Variants in MRPS31 observed in about 807,000 individuals in gnomAD.
The protein encoded by MRPS31 is small ribosomal subunit protein mS31.
MRPS31 carries 32 observed loss-of-function variants against 43.1 expected under a neutral mutation model. That is an observed-to-expected ratio of 0.74 (90% CI 0.56 to 1.00). The LOEUF is 1.00. Among genes scored for constraint, MRPS31 ranks in the 50% least tolerant of loss-of-function variants. The pLI, the probability that MRPS31 is intolerant of heterozygous loss-of-function variation, is 0.00. For synonymous variants in MRPS31, 165 were observed against 161.6 expected (o/e 1.02, Z -0.16); for missense variants, 437 against 466.7 (o/e 0.94, Z 0.59).
chr13:40,734,342 A>T (rs753460065), intron 6 of MRPS31, among the ~76,000 whole-genome samples: 1 of 152,180 alleles, frequency 6.6e-6, no homozygotes, highest in African/African-American at 2.4e-5. Flanking sequence ...GAGGAGGGCA[A>T]AATGATAGGA....
At chr13:40,767,979 T>C (rs569727888) in intron 1 of MRPS31, among the ~76,000 whole-genome samples, 1 of 152,310 alleles carries the variant, frequency 6.6e-6, no homozygotes, top group South Asian at 2.1e-4. Flanking sequence ...GAAAAGAGAA[T>C]AATCAATGGC....
At chr13:40,733,697 G>C (rs955827612) in intron 6 of MRPS31, among the ~76,000 whole-genome samples, 1 of 152,188 alleles carries the variant, frequency 6.6e-6, no homozygotes, top group Non-Finnish European at 1.5e-5. Flanking sequence ...GGCTGGGCAC[G>C]TGGATCATGG....
At chr13:40,743,361 G>A (rs1389370826) in intron 6 of MRPS31, among the ~76,000 whole-genome samples, 1 of 149,578 alleles carries the variant, frequency 6.7e-6, no homozygotes, top group African/African-American at 2.4e-5. Context: ...ATTGAGAAGT[G>A]GGACCTCATT....
chr13:40,748,905 G>A (rs1880312132), intron 6 of MRPS31, among the ~76,000 whole-genome samples: 1 of 152,168 alleles, frequency 6.6e-6, no homozygotes, highest in South Asian at 2.1e-4. Context: ...AGAAATTCAT[G>A]ATGGATTTTT....
chr13:40,741,278 T>TATTGGCATTGAATCTGTAAAAAAA (rs1880081915), intron 6 of MRPS31, among the ~76,000 whole-genome samples: 3 of 152,174 alleles, frequency 2.0e-5, no homozygotes, highest in African/African-American at 7.2e-5. Context: ...ACTAAATGTT[T>TATTGGCATTGAATCTGTAAAAAAA]ACTATGATTT....
intron 2 of MRPS31, among the ~76,000 whole-genome samples, chr13:40,765,321 C>T (rs1880814284): frequency 6.6e-6 from 1 of 152,168 alleles, no homozygotes; most frequent in Non-Finnish European, 1.5e-5. Flanking sequence ...TCTTCCCACA[C>T]ATGTATGTTT....
chr13:40,743,490 C>CA (rs1880159395), intron 6 of MRPS31, among the ~76,000 whole-genome samples: 1 of 152,066 alleles, frequency 6.6e-6, no homozygotes, highest in Non-Finnish European at 1.5e-5. Context: ...ATAAGGAACT[C>CA]AAACAATTGA....
intron 6 of MRPS31, among the ~76,000 whole-genome samples, chr13:40,747,534 C>T (rs2138003894): frequency 6.6e-6 from 1 of 152,260 alleles, no homozygotes; most frequent in East Asian, 1.9e-4. Context: ...AAGCAATATA[C>T]AGTTTATGTA....
intron 3 of MRPS31, among the ~76,000 whole-genome samples, chr13:40,757,939 C>A (rs2138012054): frequency 6.7e-6 from 1 of 150,338 alleles, no homozygotes; most frequent in South Asian, 2.1e-4. Flanking sequence ...TCAGGAGATC[C>A]AGACCATCCT....
At chr13:40,767,741 AC>A (rs1880891898) in intron 1 of MRPS31, among the ~76,000 whole-genome samples, 1 of 152,260 alleles carries the variant, frequency 6.6e-6, no homozygotes, top group South Asian at 2.1e-4. Context: ...TTAATAAATG[AC>A]AATTTATTAT....
rs1488010093 is a variant in MRPS31 at position 40,729,568 on chromosome 13, T to C, written c.992A>G (p.His331Arg). ...CTCCAGGTGTTTCTCCAGAAATATA[T>C]GTTCATGAAATTCTGAACCATCATC... ...FDDDGSEFHE[H>R]IFLEKHLESF... The change falls in exon 7 of 7, where the codon CAT (histidine) becomes CGT (arginine). Residue 331 changes from histidine to arginine, a missense_variant. His to Arg is a conservative substitution (Grantham distance 29). Transcript: ENST00000323563. 18 of 1,613,790 alleles carry C rather than the reference T, an allele frequency of 1.1e-5. 1 individual carries two copies. Among genetic ancestry groups the C allele is most frequent in the Non-Finnish European group, 1.5e-5 (18 of 1,179,874 alleles).
intron 5 of MRPS31, among the ~76,000 whole-genome samples, chr13:40,753,248 C>T (rs759283329): frequency 1.6e-4 from 25 of 152,240 alleles, no homozygotes; most frequent in Non-Finnish European, 3.2e-4. Flanking sequence ...ATCTCCTAAA[C>T]AATCACTAAG....
intron 2 of MRPS31, among the ~76,000 whole-genome samples, chr13:40,762,455 CTT>C (rs113395622): frequency 4.6e-4 from 67 of 145,376 alleles, no homozygotes; most frequent in East Asian, 9.9e-4. Flanking sequence ...CCCCCTCATT[CTT>C]TTTTTTTTTT....
At chr13:40,762,012 T>G (rs1388176976) in intron 2 of MRPS31, among the ~76,000 whole-genome samples, 1 of 149,912 alleles carries the variant, frequency 6.7e-6, no homozygotes, top group Non-Finnish European at 1.5e-5. Context: ...GAGGCCAAGG[T>G]GGGCAGATTA....
At chr13:40,768,314 G>T (rs1880906304) in intron 1 of MRPS31, among the ~76,000 whole-genome samples, 1 of 152,156 alleles carries the variant, frequency 6.6e-6, no homozygotes. Flanking sequence ...CCTTTATGAA[G>T]CTGACGTGCT....
chr13:40,747,304 C>T (rs1880266434), intron 6 of MRPS31, among the ~76,000 whole-genome samples: 1 of 152,070 alleles, frequency 6.6e-6, no homozygotes, highest in South Asian at 2.1e-4. Context: ...CAAGTTTCTT[C>T]AAATAATGAA....
intron 5 of MRPS31, among the ~76,000 whole-genome samples, chr13:40,750,774 T>TATATATATATATATATA (rs1880368803): frequency 7.8e-6 from 1 of 127,976 alleles, no homozygotes; most frequent in African/African-American, 3.1e-5. Flanking sequence ...ATATATATAT[T>TATATATATATATATATA]ACATATATAT....
In MRPS31 at chr13:40,771,038, T is replaced by C. The variant is rs761729910; in HGVS notation, c.99A>G (p.Leu33=). 3.1e-6 allele frequency: 5 copies of C among 1,613,748 alleles called. No individual in the cohort carries two copies. The highest frequency in any genetic ancestry group is 1.1e-5 in the South Asian group (1 of 91,068). ...TGACTGTTCCGTGCCGAACAGTGAG[T>C]AGCATAATCGCAGCCGCTGATGTCT... ...SPETSAAAIM[L]LTVRHGTVRY... is the part of the protein sequence containing the mutation. Residue 33 remains leucine, a synonymous_variant, in exon 1 of 7, where the codon CTA becomes CTG. Coordinates refer to ENST00000323563, the MANE Select transcript of MRPS31 (RefSeq NM_005830.4).
intron 1 of MRPS31, among the ~76,000 whole-genome samples, chr13:40,769,040 T>C (rs1880925563): frequency 6.6e-6 from 1 of 152,038 alleles, no homozygotes; most frequent in Non-Finnish European, 1.5e-5. Flanking sequence ...GTGATTCCCA[T>C]GCAGGTGAGC....
Sources: allele counts gnomAD v4.1 joint callset (sites outside exome capture counted in the v4.1 genomes callset), GRCh38; gene constraint gnomAD v4.1.1; transcripts MANE v1.5; gene names NCBI Gene and HGNC (gene_info 2026-07-23, HGNC 2026-07-21).